The following GALNT17 variants were observed in gnomAD, a reference collection of about 807,000 sequenced individuals.
GALNT17 encodes the protein polypeptide N-acetylgalactosaminyltransferase 17.
GALNT17 carries 29 observed loss-of-function variants against 63.7 expected under a neutral mutation model. That is an observed-to-expected ratio of 0.46 (90% CI 0.34 to 0.62). The LOEUF (loss-of-function observed/expected upper bound fraction) is 0.62. Ranked by LOEUF, GALNT17 falls within the 20% of genes least tolerant of loss-of-function variation. The probability of loss-of-function intolerance (pLI) is 0.01; values close to 1 mark genes in which losing one functional copy is unlikely to be tolerated. For synonymous variants in GALNT17, 305 were observed against 318.3 expected (o/e 0.96, Z 0.45); for missense variants, 603 against 799.6 (o/e 0.75, Z 2.97).
intron 1 of GALNT17, among the ~76,000 whole-genome samples, chr7:71,246,425 T>G (rs1790099063): frequency 6.6e-6 from 1 of 151,344 alleles, no homozygotes; most frequent in Non-Finnish European, 1.5e-5. Flanking sequence ...GCCTGGCCCC[T>G]CATTGCTTTT....
intron 1 of GALNT17, among the ~76,000 whole-genome samples, chr7:71,182,730 G>A (rs1007744417): frequency 3.3e-5 from 5 of 152,062 alleles, no homozygotes; most frequent in Admixed American, 2.6e-4. Context: ...GGGGAGGGCA[G>A]AGCTGGCCGG....
At chr7:71,386,977 G>A (rs1178779583) in intron 2 of GALNT17, among the ~76,000 whole-genome samples, 2 of 152,112 alleles carry the variant, frequency 1.3e-5, no homozygotes, top group East Asian at 3.9e-4. Context: ...CAGAAACAGA[G>A]CCTGAAACAA....
chr7:71,240,504 A>G (rs948867719), intron 1 of GALNT17, among the ~76,000 whole-genome samples: 1 of 152,114 alleles, frequency 6.6e-6, no homozygotes, highest in African/African-American at 2.4e-5. Context: ...TTTAGATCCC[A>G]CTTATAAGTG....
chr7:71,621,066 G>C (rs1395769761), intron 6 of GALNT17, among the ~76,000 whole-genome samples: 1 of 152,164 alleles, frequency 6.6e-6, no homozygotes, highest in Non-Finnish European at 1.5e-5. Flanking sequence ...GTTAATTATA[G>C]GCTTAAGTCA....
At chr7:71,612,949 G>T (rs757815386) in intron 6 of GALNT17, among the ~76,000 whole-genome samples, 1 of 152,150 alleles carries the variant, frequency 6.6e-6, no homozygotes, top group African/African-American at 2.4e-5. Context: ...AAGATACCAG[G>T]TACAAACAGA....
chr7:71,318,259 C>T (rs1791535598), intron 1 of GALNT17, among the ~76,000 whole-genome samples: 1 of 152,120 alleles, frequency 6.6e-6, no homozygotes, highest in African/African-American at 2.4e-5. Flanking sequence ...GCATGGGTCA[C>T]AGGGAATCAC....
intron 2 of GALNT17, among the ~76,000 whole-genome samples, chr7:71,348,121 C>T (rs1173215794): frequency 6.6e-6 from 1 of 152,124 alleles, no homozygotes. Flanking sequence ...ATTAGCTGAG[C>T]GTGGTGGTGG....
chr7:71,183,726 CA>C (rs1483425787), intron 1 of GALNT17, among the ~76,000 whole-genome samples: 13 of 151,166 alleles, frequency 8.6e-5, no homozygotes, highest in African/African-American at 3.2e-4. Context: ...GTGAAACCCC[CA>C]CTGTACGAAA....
At chr7:71,499,758 C>T (rs1483324455) in intron 5 of GALNT17, among the ~76,000 whole-genome samples, 1 of 152,192 alleles carries the variant, frequency 6.6e-6, no homozygotes, top group Non-Finnish European at 1.5e-5. Context: ...CAAGCCAACA[C>T]TGACTCACTG....
At chr7:71,356,648 A>G (rs780964606) in intron 2 of GALNT17, among the ~76,000 whole-genome samples, 6 of 152,218 alleles carry the variant, frequency 3.9e-5, no homozygotes, top group Non-Finnish European at 7.3e-5. Context: ...CCATGAGGAT[A>G]GCTCCAAGGC....
At chr7:71,612,948 G>A (rs1191516857) in intron 6 of GALNT17, among the ~76,000 whole-genome samples, 2 of 152,170 alleles carry the variant, frequency 1.3e-5, no homozygotes, top group East Asian at 3.9e-4. Context: ...CAAGATACCA[G>A]GTACAAACAG....
intron 6 of GALNT17, among the ~76,000 whole-genome samples, chr7:71,579,250 T>G (rs1435710050): frequency 6.6e-6 from 1 of 152,202 alleles, no homozygotes; most frequent in Non-Finnish European, 1.5e-5. Flanking sequence ...TTTCACAAAC[T>G]GGTCTTTCAT....
chr7:71,245,482 G>A (rs1790077271), intron 1 of GALNT17, among the ~76,000 whole-genome samples: 1 of 152,168 alleles, frequency 6.6e-6, no homozygotes, highest in South Asian at 2.1e-4. Context: ...GGAAAAGGGG[G>A]AGGCAGGTGG....
At chr7:71,172,629 A>G (rs1788566423) in intron 1 of GALNT17, among the ~76,000 whole-genome samples, 1 of 152,144 alleles carries the variant, frequency 6.6e-6, no homozygotes, top group Non-Finnish European at 1.5e-5. Flanking sequence ...AAGACACCGT[A>G]AGGACCACTC....
At chr7:71,628,107 T>C (rs1233006920) in intron 6 of GALNT17, among the ~76,000 whole-genome samples, 1 of 139,694 alleles carries the variant, frequency 7.2e-6, no homozygotes, top group Admixed American at 6.9e-5. Flanking sequence ...AGAGAGGTGA[T>C]AATGAAAAAA....
At chr7:71,641,024 G>A (rs1200049465) in intron 6 of GALNT17, among the ~76,000 whole-genome samples, 1 of 152,070 alleles carries the variant, frequency 6.6e-6, no homozygotes, top group Non-Finnish European at 1.5e-5. Flanking sequence ...TGCTATATCA[G>A]AACCTCAAGG....
At chr7:71,180,547 T>A (rs1788717369) in intron 1 of GALNT17, among the ~76,000 whole-genome samples, 2 of 152,236 alleles carry the variant, frequency 1.3e-5, no homozygotes, top group Non-Finnish European at 2.9e-5. Flanking sequence ...TCTCTCATTT[T>A]GATCTTCAAG....
At chr7:71,356,087 C>T (rs984296210) in intron 2 of GALNT17, among the ~76,000 whole-genome samples, 2 of 152,014 alleles carry the variant, frequency 1.3e-5, no homozygotes, top group African/African-American at 4.8e-5. Context: ...AAGCGATTCT[C>T]CTGCCTCAGC....
At chr7:71,601,870 A>G (rs1789971529) in intron 6 of GALNT17, among the ~76,000 whole-genome samples, 1 of 152,232 alleles carries the variant, frequency 6.6e-6, no homozygotes. Flanking sequence ...TGAGAGTCCA[A>G]GAAGCATGGA....
Sources: allele counts gnomAD v4.1 joint callset (sites outside exome capture counted in the v4.1 genomes callset), GRCh38; gene constraint gnomAD v4.1.1; transcripts MANE v1.5; gene names NCBI Gene and HGNC (gene_info 2026-07-23, HGNC 2026-07-21).